NRG1: variants seen among roughly 807,000 people sequenced by gnomAD.
NRG1 encodes the protein pro-neuregulin-1, membrane-bound isoform.
A neutral mutation model predicts 63.8 loss-of-function variants in NRG1; 18 were observed. That is an observed-to-expected ratio of 0.28 (90% CI 0.19 to 0.42). NRG1 has a LOEUF of 0.42. Among genes scored for constraint, NRG1 ranks in the 10% least tolerant of loss-of-function variants. NRG1 has a pLI of 1.00. For synonymous variants in NRG1, 302 were observed against 301.3 expected (o/e 1.00, Z -0.02); for missense variants, 762 against 814.7 (o/e 0.94, Z 0.79).
At chr8:31,804,573 C>T (rs543277104) in intron 1 of NRG1, among the ~76,000 whole-genome samples, 2 of 152,198 alleles carry the variant, frequency 1.3e-5, no homozygotes, top group South Asian at 4.2e-4. Flanking sequence ...CTAGAAAAAA[C>T]AGTTATTTTA....
Position 32,490,162 on chromosome 8 carries a change from G to GGAC in NRG1, c.38-105665_38-105663dup, listed in dbSNP as rs1826378677. On this transcript the variant is annotated intron_variant, in intron 1 of 10. Coordinates refer to the NRG1 transcript ENST00000519301. ...CTATAAAAAATAAACAAAATTAGCT[G>GGAC]GACACAGTGGTGTATGCCTGTAGTT... Among the ~76,000 whole-genome samples, 5 of 152,178 alleles carry GGAC rather than the reference G, an allele frequency of 3.3e-5. No homozygotes were observed. The South Asian group carries it at 1.0e-3, about 32-fold the overall frequency.
intron 1 of NRG1, among the ~76,000 whole-genome samples, chr8:32,168,975 T>G (rs1839696302): frequency 6.6e-6 from 1 of 152,216 alleles, no homozygotes; most frequent in Non-Finnish European, 1.5e-5. Context: ...TGAGAGGTAT[T>G]TCCCTAGTAG....
intron 1 of NRG1, among the ~76,000 whole-genome samples, chr8:32,328,807 T>C (rs978492768): frequency 6.6e-6 from 1 of 152,146 alleles, no homozygotes; most frequent in African/African-American, 2.4e-5. Context: ...GCATAAATCA[T>C]CTTGGAATTA....
rs372123154 is a variant in NRG1, at chr8:32,608,318, A to C, written c.400+2635A>C. On this transcript the variant is annotated intron_variant, in intron 3 of 11. Transcript: ENST00000356819. ...CTCAGCCCCCTGAGTAGCCAGGTGC[A>C]TGCCATTACGCCTGGCTAATTAAAA... Among the ~76,000 whole-genome samples the C allele has an allele frequency of 3.3e-5, 5 of 151,492 alleles. No individual in the cohort carries two copies. In the South Asian group the frequency reaches 6.3e-4, roughly 19 times the overall value.
At chr8:32,648,037 A>T (rs1237690591) in intron 5 of NRG1, 1 of 1,613,366 alleles carries the variant, frequency 6.2e-7, no homozygotes, top group Admixed American at 1.7e-5. Flanking sequence ...TTTGAATATG[A>T]CTCTCCTACT....
chr8:31,967,389 C>T (rs1415798817), intron 1 of NRG1, among the ~76,000 whole-genome samples: 1 of 152,064 alleles, frequency 6.6e-6, no homozygotes, highest in Non-Finnish European at 1.5e-5. Context: ...ATAGTACATC[C>T]GCACTCAGCC....
intron 1 of NRG1, among the ~76,000 whole-genome samples, chr8:32,275,609 A>T (rs1021617574): frequency 6.6e-6 from 1 of 152,168 alleles, no homozygotes; most frequent in Admixed American, 6.5e-5. Flanking sequence ...AAGAGCCCCA[A>T]TTAACTACAG....
At chr8:32,420,184 C>T (rs1456573748) in intron 1 of NRG1, among the ~76,000 whole-genome samples, 1 of 152,140 alleles carries the variant, frequency 6.6e-6, no homozygotes, top group Non-Finnish European at 1.5e-5. Flanking sequence ...TGGAAGAAGC[C>T]AAGTGCGTAC....
chr8:32,234,609 A>T (rs1586272724), intron 1 of NRG1, among the ~76,000 whole-genome samples: 1 of 152,218 alleles, frequency 6.6e-6, no homozygotes, highest in South Asian at 2.1e-4. Context: ...TGAAATCCAC[A>T]AAAGGAATAG....
chr8:31,642,800 T>G (rs1399044366), intron 1 of NRG1, among the ~76,000 whole-genome samples: 1 of 152,214 alleles, frequency 6.6e-6, no homozygotes, highest in African/African-American at 2.4e-5. Context: ...TAAAGTAGGA[T>G]ATTGCTTTTA....
chr8:32,680,255 C>T (rs1563930940), intron 5 of NRG1, among the ~76,000 whole-genome samples: 2 of 152,142 alleles, frequency 1.3e-5, no homozygotes, highest in East Asian at 3.9e-4. Context: ...GCACATTAAC[C>T]ATTAATATAG....
At chr8:32,458,450 A>G (rs1402172765) in intron 1 of NRG1, among the ~76,000 whole-genome samples, 1 of 152,236 alleles carries the variant, frequency 6.6e-6, no homozygotes, top group Non-Finnish European at 1.5e-5. Context: ...GAAGAAATTA[A>G]CCAGAGACTT....
At chr8:31,988,965 G>A (rs934547882) in intron 1 of NRG1, among the ~76,000 whole-genome samples, 2 of 151,872 alleles carry the variant, frequency 1.3e-5, no homozygotes, top group African/African-American at 2.4e-5. Flanking sequence ...AAAGACCCCA[G>A]TAGCTGGGCA....
intron 1 of NRG1, among the ~76,000 whole-genome samples, chr8:32,394,425 C>A (rs1236038569): frequency 6.6e-6 from 1 of 152,176 alleles, no homozygotes; most frequent in Non-Finnish European, 1.5e-5. Flanking sequence ...CTGTCACTAA[C>A]CTTTAGTCCC....
rs527768877 is a variant in NRG1 at position 32,091,105 on chromosome 8, T to C, written c.37+451674T>C. Among the ~76,000 whole-genome samples, 71 of 152,130 alleles carry C rather than the reference T, an allele frequency of 4.7e-4. No homozygotes were observed. In the East Asian group the frequency reaches 9.7e-3, roughly 21 times the overall value. On this transcript the variant is annotated intron_variant, in intron 1 of 10. Coordinates refer to the NRG1 transcript ENST00000519301. The stretch of plus-strand genomic sequence containing the variant: ...CCATCCTGGCTAACACGGTGAAACC[T>C]GTCTCTACTAAAAATACAAAAAATT...
At chr8:32,120,482 A>T (rs376193890) in intron 1 of NRG1, among the ~76,000 whole-genome samples, 8 of 152,050 alleles carry the variant, frequency 5.3e-5, no homozygotes, top group African/African-American at 1.9e-4. Context: ...CTCCTTGCAC[A>T]CTGATGATTT....
At chr8:32,102,684 G>A (rs901927860) in intron 1 of NRG1, among the ~76,000 whole-genome samples, 1 of 152,134 alleles carries the variant, frequency 6.6e-6, no homozygotes, top group Non-Finnish European at 1.5e-5. Context: ...CAGTCTTCCA[G>A]GTATACCAAG....
intron 1 of NRG1, among the ~76,000 whole-genome samples, chr8:32,263,252 A>G (rs1850577078): frequency 1.3e-5 from 2 of 152,200 alleles, no homozygotes; most frequent in Non-Finnish European, 2.9e-5. Flanking sequence ...GGTACAGACA[A>G]TAATCAGGAT....
At position 31,821,672 on chromosome 8, in the gene NRG1, G is replaced by T. The variant is rs541997178; in HGVS notation, c.37+182241G>T. On this transcript the variant is annotated intron_variant, in intron 1 of 10. Coordinates refer to the NRG1 transcript ENST00000519301. ...ACCCTCTACTTACAGGAAATGCAAG[G>T]CTCATCAGCTTTTTCAGGGAGTAGC... is the stretch of plus-strand genomic sequence containing the variant. Among the ~76,000 whole-genome samples, 14 of 151,994 alleles carry T rather than the reference G, an allele frequency of 9.2e-5. 1 individual carries two copies. The highest frequency in any genetic ancestry group is 2.7e-4 in the African/African-American group (11 of 41,466).
Sources: allele counts gnomAD v4.1 joint callset (sites outside exome capture counted in the v4.1 genomes callset), GRCh38; gene constraint gnomAD v4.1.1; transcripts MANE v1.5; gene names NCBI Gene and HGNC (gene_info 2026-07-23, HGNC 2026-07-21).